PATJ: variants seen among roughly 807,000 people sequenced by gnomAD.
The protein encoded by PATJ is inaD-like protein.
Under a neutral mutation model 224.9 loss-of-function variants are expected in PATJ, and 190 were observed. That is an observed-to-expected ratio of 0.84 (90% CI 0.75 to 0.95). PATJ has a LOEUF of 0.95. Among genes scored for constraint, PATJ ranks in the 40% least tolerant of loss-of-function variants. The pLI is 0.00. For synonymous variants in PATJ, 769 were observed against 820.3 expected, an observed-to-expected ratio of 0.94 and a Z score of 1.07; for missense variants, 2,121 against 2,270.3, an observed-to-expected ratio of 0.93 and a Z score of 1.34.
chr1:62,099,625 A>G (rs1219281347), intron 33 of PATJ, among the ~76,000 whole-genome samples: 1 of 152,114 alleles, frequency 6.6e-6, no homozygotes, highest in Non-Finnish European at 1.5e-5. Context: ...TAAGTAAAAC[A>G]TGCCTGCAAG....
intron 42 of PATJ, among the ~76,000 whole-genome samples, chr1:62,151,991 T>C (rs1315440723): frequency 6.6e-6 from 1 of 152,228 alleles, no homozygotes; most frequent in Non-Finnish European, 1.5e-5. Context: ...TTTGAAAAGC[T>C]AAATTTTACA....
intron 17 of PATJ, among the ~76,000 whole-genome samples, chr1:61,848,495 T>C (rs1264526844): frequency 6.6e-6 from 1 of 152,198 alleles, no homozygotes; most frequent in African/African-American, 2.4e-5. Context: ...TACGTGTGTA[T>C]AAAAGAACCT....
chr1:62,125,271 A>T (rs1465749921), intron 39 of PATJ, among the ~76,000 whole-genome samples: 3 of 149,402 alleles, frequency 2.0e-5, no homozygotes, highest in Non-Finnish European at 4.4e-5. Context: ...AAACAAAAAA[A>T]AAACGCCATT....
chr1:61,947,073 T>C (rs1678845282), intron 27 of PATJ, among the ~76,000 whole-genome samples: 1 of 152,128 alleles, frequency 6.6e-6, no homozygotes, highest in Non-Finnish European at 1.5e-5. Flanking sequence ...TATCTCAAAA[T>C]AATAAGAGCT....
Position 61,990,381 on chromosome 1 carries a change from TTTAAC to T in PATJ, c.3867+21_3867+25del. On this transcript the variant is annotated intron_variant, in intron 28 of 43. Coordinates refer to ENST00000642238, the MANE Select transcript of PATJ (RefSeq NM_001350145.3). ...CTCTTAGAGGTGAGAAGCATGTGTT[TTTAAC>T]TTATCTTTTGGTGAAGTGGATGGGT... is the stretch of plus-strand genomic sequence containing the variant. 1 of 1,585,850 alleles carries T rather than the reference TTTAAC, an allele frequency of 6.3e-7. No individual in the cohort carries two copies. The highest frequency in any genetic ancestry group is 8.6e-7 in the Non-Finnish European group (1 of 1,164,356).
intron 27 of PATJ, among the ~76,000 whole-genome samples, chr1:61,970,681 A>T (rs773043827): frequency 9.9e-5 from 15 of 152,126 alleles, no homozygotes; most frequent in Non-Finnish European, 1.8e-4. Context: ...TTTTGTAAAG[A>T]TGACCTCTTC....
intron 33 of PATJ, among the ~76,000 whole-genome samples, chr1:62,100,916 C>G (rs546696056): frequency 5.8e-4 from 89 of 152,236 alleles, no homozygotes; most frequent in African/African-American, 2.0e-3. Context: ...GATCAATCAA[C>G]TTTATCAGGG....
intron 14 of PATJ, among the ~76,000 whole-genome samples, chr1:61,812,055 C>A (rs1654885181): frequency 6.7e-6 from 1 of 150,076 alleles, no homozygotes; most frequent in Non-Finnish European, 1.5e-5. Context: ...AGCGAGACTC[C>A]ATCTCAAAAA....
intron 14 of PATJ, among the ~76,000 whole-genome samples, chr1:61,809,858 T>TA (rs1408446534): frequency 2.0e-5 from 3 of 150,930 alleles, no homozygotes; most frequent in African/African-American, 7.3e-5. Context: ...TTTCTTTTTT[T>TA]TTTTTTGCAC....
chr1:61,846,764 C>A (rs1002932902), intron 17 of PATJ, among the ~76,000 whole-genome samples: 12 of 151,940 alleles, frequency 7.9e-5, no homozygotes, highest in African/African-American at 2.9e-4. Flanking sequence ...GCCTGGCTAA[C>A]GTTTTTGTAT....
At chr1:61,929,988 G>A (rs6698695) in intron 27 of PATJ, among the ~76,000 whole-genome samples, 19,132 of 152,130 alleles carry the variant, frequency 0.13, 1,646 homozygotes, top group Middle Eastern at 0.21. Flanking sequence ...ACATATACAC[G>A]GCAGCAGTGG....
At chr1:61,919,209 CCT>C (rs1673912849) in intron 26 of PATJ, among the ~76,000 whole-genome samples, 1 of 151,862 alleles carries the variant, frequency 6.6e-6, no homozygotes, top group South Asian at 2.1e-4. Flanking sequence ...AATTCATTCC[CCT>C]TTTTCACCCC....
At chr1:61,804,799 A>G (rs1404070472) in intron 12 of PATJ, among the ~76,000 whole-genome samples, 1 of 152,196 alleles carries the variant, frequency 6.6e-6, no homozygotes, top group African/African-American at 2.4e-5. Flanking sequence ...TGCAACAAAG[A>G]CAGTATTCCA....
intron 27 of PATJ, among the ~76,000 whole-genome samples, chr1:61,967,333 G>C (rs1450058674): frequency 6.6e-6 from 1 of 152,042 alleles, no homozygotes; most frequent in Non-Finnish European, 1.5e-5. Flanking sequence ...ACTTGCTTTT[G>C]ATAGTTAAAC....
chr1:61,929,327 A>G (rs1675684155), intron 27 of PATJ, among the ~76,000 whole-genome samples: 1 of 152,160 alleles, frequency 6.6e-6, no homozygotes, highest in Non-Finnish European at 1.5e-5. Context: ...GCTAGTTGTG[A>G]GTTTTTGGAA....
chr1:62,136,999 C>G (rs1049819275), intron 41 of PATJ, among the ~76,000 whole-genome samples: 1 of 152,130 alleles, frequency 6.6e-6, no homozygotes. Context: ...ATTGTAATAT[C>G]TTTCTTATCT....
intron 41 of PATJ, among the ~76,000 whole-genome samples, chr1:62,147,025 A>G (rs975198246): frequency 6.6e-6 from 1 of 152,118 alleles, no homozygotes; most frequent in Non-Finnish European, 1.5e-5. Context: ...CTATGGACCC[A>G]GTGACAACTG....
Position 62,079,456 on chromosome 1 carries a change from A to C in PATJ, c.4132A>C (p.Ser1378Arg), listed in dbSNP as rs777939344. 2.5e-6 allele frequency: 4 copies of C among 1,603,120 alleles called. No individual in the cohort carries two copies. The South Asian group carries it at 4.4e-5, about 18-fold the overall frequency. Residue 1378 changes from serine (S) to arginine (R), a missense_variant, in exon 32 of 44, where the codon AGC (serine) becomes CGC (arginine). Coordinates refer to ENST00000642238, the MANE Select transcript of PATJ (RefSeq NM_001350145.3). ...ATTTTCCTTTCTTTTGTAGGCTGTC[A>C]GCCAGATGAAACAGCAAAAATATCC... ...PESESFKLAV[S>R]QMKQQKYPTK...
rs1663398961 is a variant in PATJ at position 62,108,540 on chromosome 1, A to C, written c.4461+20A>C. 1 of 1,475,050 alleles carries C rather than the reference A, an allele frequency of 6.8e-7. No individual in the cohort carries two copies. The highest frequency in any genetic ancestry group is 2.3e-5 in the East Asian group (1 of 43,912). The allele number at this position is 1,475,050 out of a possible 1,614,324, so 91.4% of individuals were successfully genotyped here. Reference sequence around the variant, plus strand: ...TTAGAGGTATATGGTTTTGAATTTTATTTTATATCAGTAAATGTGGTTCCT... The same window carrying C: ...TTAGAGGTATATGGTTTTGAATTTTCTTTTATATCAGTAAATGTGGTTCCT... On this transcript the variant is annotated intron_variant, in intron 34 of 43. Coordinates refer to ENST00000642238, the MANE Select transcript of PATJ (RefSeq NM_001350145.3).
Sources: allele counts gnomAD v4.1 joint callset (sites outside exome capture counted in the v4.1 genomes callset), GRCh38; gene constraint gnomAD v4.1.1; transcripts MANE v1.5; gene names NCBI Gene and HGNC (gene_info 2026-07-23, HGNC 2026-07-21).